MTA3: variants seen among roughly 807,000 people sequenced by gnomAD.
MTA3 encodes metastasis-associated protein MTA3.
A neutral mutation model predicts 83.5 loss-of-function variants in MTA3; 34 were observed. The ratio of observed to expected loss-of-function variants is 0.41; its 90% CI spans 0.31 to 0.54. MTA3 has a LOEUF of 0.54. Among genes scored for constraint, MTA3 ranks in the 20% least tolerant of loss-of-function variants. The probability of loss-of-function intolerance (pLI) is 0.33; values close to 1 mark genes in which losing one functional copy is unlikely to be tolerated. For synonymous variants in MTA3, 303 were observed against 252.7 expected (o/e 1.20, Z -1.89); for missense variants, 761 against 726.4 (o/e 1.05, Z -0.55).
intron 4 of MTA3, among the ~76,000 whole-genome samples, chr2:42,632,353 G>T (rs1249626271): frequency 6.6e-6 from 1 of 152,086 alleles, no homozygotes; most frequent in Non-Finnish European, 1.5e-5. Flanking sequence ...GCCTCCCAAA[G>T]TGCTGGGATT....
chr2:42,590,030 T>G (rs1198590521), intron 3 of MTA3, among the ~76,000 whole-genome samples: 1 of 152,180 alleles, frequency 6.6e-6, no homozygotes, highest in African/African-American at 2.4e-5. Context: ...TTGTGCTAGT[T>G]CTCAGGCAGA....
chr2:42,680,016 G>A (rs1176056835), intron 8 of MTA3: 1 of 152,246 alleles, frequency 6.6e-6, no homozygotes, highest in African/African-American at 2.4e-5. Context: ...AACTATTCAA[G>A]TTATACAAAA....
chr2:42,562,763 G>A (rs1393930296), intron 2 of MTA3, among the ~76,000 whole-genome samples: 1 of 152,158 alleles, frequency 6.6e-6, no homozygotes, highest in Non-Finnish European at 1.5e-5. Flanking sequence ...GGTAACACCA[G>A]AAGTGGCTAT....
intron 4 of MTA3, among the ~76,000 whole-genome samples, chr2:42,610,790 A>C (rs534854039): frequency 6.6e-6 from 1 of 152,092 alleles, no homozygotes; most frequent in Non-Finnish European, 1.5e-5. Context: ...CATAGGGTGT[A>C]TGAAAGCAGC....
rs1687901890 is a variant in MTA3, at chr2:42,643,635, G to GT, written c.382-491dup. ...GTATTATTATAACAGTAAACCACAT[G>GT]TAAGTTCAACTCATGCAGTTTAATG... On this transcript the variant is annotated intron_variant, in intron 5 of 16. Coordinates refer to ENST00000405094, the MANE Select transcript of MTA3 (RefSeq NM_001330442.2). Among the ~76,000 whole-genome samples the GT allele has an allele frequency of 2.0e-5, 3 of 152,314 alleles. No individual in the cohort carries two copies. The East Asian group carries it at 5.8e-4, about 29-fold the overall frequency.
chr2:42,736,252 T>A (rs1196494486), intron 16 of MTA3, among the ~76,000 whole-genome samples: 1 of 152,204 alleles, frequency 6.6e-6, no homozygotes, highest in Non-Finnish European at 1.5e-5. Context: ...GTGGAGACTC[T>A]TGTTCTCTTC....
chr2:42,648,901 T>C (rs553216904), intron 6 of MTA3, among the ~76,000 whole-genome samples: 4 of 152,360 alleles, frequency 2.6e-5, no homozygotes, highest in African/African-American at 9.6e-5. Flanking sequence ...ATCCTGACTA[T>C]ACTATGTTTT....
At chr2:42,667,393 T>G (rs1240430533) in intron 8 of MTA3, among the ~76,000 whole-genome samples, 1 of 152,020 alleles carries the variant, frequency 6.6e-6, no homozygotes. Context: ...TCATCCCCAT[T>G]AAACTCTAAC....
At chr2:42,656,340 C>CT in intron 7 of MTA3, 38 bp downstream of exon 7, 2 of 1,346,242 alleles carry the variant, frequency 1.5e-6, no homozygotes, top group Non-Finnish European at 2.1e-6. Flanking sequence ...CAATAAATTT[C>CT]TTTATATAAA....
In MTA3 at chr2:42,538,709, TA is replaced by T. The variant is rs74857025; in HGVS notation, c.-140-31711del. Reference sequence around the variant, plus strand: ...GGCGACAGAATATGATGACTCTTTCTAAAAAAAAAAAAAAAAAGAAAAAGAA... The same window carrying T: ...GGCGACAGAATATGATGACTCTTTCTAAAAAAAAAAAAAAAAGAAAAAGAA... On this transcript the variant is annotated intron_variant, in intron 2 of 17. Transcript: ENST00000405592. Among the ~76,000 whole-genome samples the T allele has an allele frequency of 8.4e-3, 631 of 75,458 alleles. 3 individuals carry two copies. Among genetic ancestry groups the T allele is most frequent in the African/African-American group, 0.026 (478 of 18,500 alleles). 49.5% of individuals were successfully genotyped at this position (75,458 alleles called of 152,430 possible). A position where few individuals can be genotyped will look rare whatever the true frequency, so the allele number is the denominator to read the frequency against.
chr2:42,714,094 C>G (rs1385872925), intron 14 of MTA3, among the ~76,000 whole-genome samples: 3 of 152,116 alleles, frequency 2.0e-5, no homozygotes, highest in African/African-American at 7.2e-5. Flanking sequence ...CTTTGAAACC[C>G]GTGACTAATT....
intron 4 of MTA3, among the ~76,000 whole-genome samples, chr2:42,616,400 A>G (rs1573303309): frequency 7.1e-6 from 1 of 140,980 alleles, no homozygotes. Context: ...TTAGATTATA[A>G]GATTCTTGAA....
intron 11 of MTA3, among the ~76,000 whole-genome samples, chr2:42,700,491 C>G (rs1379438923): frequency 2.6e-5 from 4 of 152,094 alleles, no homozygotes; most frequent in Non-Finnish European, 5.9e-5. Context: ...AATCAAATAA[C>G]GTTCTAGATT....
At chr2:42,515,559 G>A (rs1463453187) in intron 2 of MTA3, among the ~76,000 whole-genome samples, 2 of 151,840 alleles carry the variant, frequency 1.3e-5, no homozygotes, top group African/African-American at 4.8e-5. Flanking sequence ...CTAGAGTGCA[G>A]TGGTATGATC....
At chr2:42,591,550 A>C (rs1680994094) in intron 3 of MTA3, among the ~76,000 whole-genome samples, 1 of 152,222 alleles carries the variant, frequency 6.6e-6, no homozygotes, top group African/African-American at 2.4e-5. Context: ...CTCTTGTAAT[A>C]ACAACTTAAA....
chr2:42,549,172 T>A (rs1370614841), intron 2 of MTA3, among the ~76,000 whole-genome samples: 1 of 138,108 alleles, frequency 7.2e-6, no homozygotes, highest in East Asian at 2.0e-4. Flanking sequence ...AAACTCCATC[T>A]TAAAATATAT....
intron 3 of MTA3, among the ~76,000 whole-genome samples, chr2:42,589,269 A>C (rs1358819699): frequency 6.6e-6 from 1 of 152,188 alleles, no homozygotes; most frequent in Non-Finnish European, 1.5e-5. Context: ...GTAAATGTTT[A>C]ACTCTTAGAT....
intron 11 of MTA3, among the ~76,000 whole-genome samples, chr2:42,699,882 TAGATA>T (rs1159092798): frequency 6.6e-6 from 1 of 152,128 alleles, no homozygotes; most frequent in African/African-American, 2.4e-5. Context: ...TTTGAAGCCA[TAGATA>T]AGATTTCTGA....
chr2:42,502,169 G>A (rs2103645067), intron 2 of MTA3, among the ~76,000 whole-genome samples: 1 of 152,128 alleles, frequency 6.6e-6, no homozygotes, highest in South Asian at 2.1e-4. Context: ...GTGGCCAACA[G>A]GTCATAAATG....
Sources: allele counts gnomAD v4.1 joint callset (sites outside exome capture counted in the v4.1 genomes callset), GRCh38; gene constraint gnomAD v4.1.1; transcripts MANE v1.5; gene names NCBI Gene and HGNC (gene_info 2026-07-23, HGNC 2026-07-21).